Variants in NRXN3 observed in about 807,000 individuals in gnomAD.
NRXN3 encodes the protein neurexin 3.
NRXN3 carries 32 observed loss-of-function variants against 137.6 expected under a neutral mutation model. The observed-to-expected ratio is 0.23, with a 90% CI of 0.18 to 0.31. NRXN3 has a LOEUF of 0.31. Among genes scored for constraint, NRXN3 ranks in the 10% least tolerant of loss-of-function variants. NRXN3 has a pLI of 1.00. For synonymous variants in NRXN3, 798 were observed against 784.5 expected (o/e 1.02, Z -0.29); for missense variants, 1,574 against 2,062.5 (o/e 0.76, Z 4.59).
chr14:79,093,601 G>A (rs189934501), intron 15 of NRXN3, among the ~76,000 whole-genome samples: 88 of 152,280 alleles, frequency 5.8e-4, no homozygotes, highest in African/African-American at 1.8e-3. Context: ...TGCTTTCTGC[G>A]AGCGAGCCTA....
intron 15 of NRXN3, among the ~76,000 whole-genome samples, chr14:79,399,712 T>C (rs1421541888): frequency 6.6e-6 from 1 of 152,228 alleles, no homozygotes; most frequent in Non-Finnish European, 1.5e-5. Context: ...GTTTATAATA[T>C]GACCACTTAC....
chr14:79,094,158 G>A (rs1043524192), intron 15 of NRXN3, among the ~76,000 whole-genome samples: 2 of 152,126 alleles, frequency 1.3e-5, no homozygotes, highest in African/African-American at 4.8e-5. Context: ...TCTCTGCCGG[G>A]GAGAAATGGT....
chr14:79,509,954 G>A (rs2096916602), intron 16 of NRXN3, among the ~76,000 whole-genome samples: 1 of 152,146 alleles, frequency 6.6e-6, no homozygotes, highest in Admixed American at 6.5e-5. Flanking sequence ...CATGCAGTCA[G>A]CTCAGGGATC....
chr14:78,680,400 C>A (rs2098062255), intron 6 of NRXN3, among the ~76,000 whole-genome samples: 1 of 152,030 alleles, frequency 6.6e-6, no homozygotes. Context: ...AAAGAAGCAC[C>A]TTTTCTATTT....
chr14:79,527,840 C>G (rs1026188082), intron 16 of NRXN3, among the ~76,000 whole-genome samples: 1 of 144,280 alleles, frequency 6.9e-6, no homozygotes, highest in Admixed American at 7.1e-5. Flanking sequence ...CACTGTACTC[C>G]AGCCTGGGCG....
At chr14:79,401,542 T>C (rs947918247) in intron 15 of NRXN3, among the ~76,000 whole-genome samples, 52 of 152,306 alleles carry the variant, frequency 3.4e-4, no homozygotes, top group African/African-American at 1.2e-3. Context: ...TAAGAAACTC[T>C]TCCTTTCTTG....
rs775669509 is a variant in NRXN3, at chr14:79,427,810, G to A, written c.3263-39411G>A. ...TCGCACCACTGCACTCCAGCCTGGC[G>A]ACAGAGCGAGACTCCATCTCAAAAA... On this transcript the variant is annotated intron_variant, in intron 15 of 20. Coordinates refer to ENST00000335750, the MANE Select transcript of NRXN3 (RefSeq NM_001330195.2). Among the ~76,000 whole-genome samples, 13 of 143,514 alleles carry A rather than the reference G, an allele frequency of 9.1e-5. No homozygotes were observed. In the East Asian group the frequency reaches 1.2e-3, roughly 13 times the overall value. 94.2% of individuals were successfully genotyped at this position (143,514 alleles called of 152,430 possible).
intron 4 of NRXN3, among the ~76,000 whole-genome samples, chr14:78,439,218 T>C (rs1308110437): frequency 6.6e-6 from 1 of 152,010 alleles, no homozygotes; most frequent in Non-Finnish European, 1.5e-5. Flanking sequence ...AAGAATAGTT[T>C]GTATCTTGAA....
chr14:78,384,344 C>G (rs1019311638), intron 4 of NRXN3, among the ~76,000 whole-genome samples: 2 of 151,966 alleles, frequency 1.3e-5, no homozygotes, highest in Non-Finnish European at 2.9e-5. Flanking sequence ...TACTCATACT[C>G]CAAGATAAGG....
At chr14:79,122,831 C>T (rs1473165494) in intron 15 of NRXN3, among the ~76,000 whole-genome samples, 2 of 152,154 alleles carry the variant, frequency 1.3e-5, no homozygotes, top group African/African-American at 4.8e-5. Context: ...CTTCAAGTTT[C>T]TCACCTGTAA....
chr14:79,781,462 A>G (rs1449279545), intron 19 of NRXN3, among the ~76,000 whole-genome samples: 2 of 152,246 alleles, frequency 1.3e-5, no homozygotes, highest in Non-Finnish European at 2.9e-5. Flanking sequence ...TAATTTCAGC[A>G]TTCATTCCCT....
intron 8 of NRXN3, among the ~76,000 whole-genome samples, chr14:78,730,889 C>G (rs1026350720): frequency 6.6e-6 from 1 of 152,212 alleles, no homozygotes; most frequent in Non-Finnish European, 1.5e-5. Flanking sequence ...CTTGAGCTTT[C>G]TGCAGGCGGA....
intron 15 of NRXN3, among the ~76,000 whole-genome samples, chr14:79,219,709 A>G (rs994585078): frequency 2.0e-5 from 3 of 152,000 alleles, no homozygotes; most frequent in Admixed American, 1.3e-4. Context: ...ATAGACAGTG[A>G]TTTTTGTTTC....
chr14:78,339,230 A>G (rs2081876759), intron 4 of NRXN3, among the ~76,000 whole-genome samples: 2 of 152,212 alleles, frequency 1.3e-5, no homozygotes, highest in South Asian at 2.1e-4. Flanking sequence ...GGCCTTTTAA[A>G]TATATTTTCG....
chr14:79,193,688 C>T (rs2064738226), intron 15 of NRXN3, among the ~76,000 whole-genome samples: 1 of 152,106 alleles, frequency 6.6e-6, no homozygotes, highest in Non-Finnish European at 1.5e-5. Context: ...TCATTTCAAT[C>T]ACAGTTATGT....
chr14:79,350,484 G>C (rs1272056508), intron 15 of NRXN3, among the ~76,000 whole-genome samples: 1 of 152,148 alleles, frequency 6.6e-6, no homozygotes, highest in Non-Finnish European at 1.5e-5. Flanking sequence ...TTGGACCAAA[G>C]GTGATTTATC....
Position 78,645,158 on chromosome 14 carries a change from T to C in NRXN3, c.796T>C (p.Tyr266His). 1 of 1,584,414 alleles carries C rather than the reference T, an allele frequency of 6.3e-7. No homozygotes were observed. The highest frequency in any genetic ancestry group is 8.5e-7 in the Non-Finnish European group (1 of 1,172,538). ...ENVATFRGSE[Y>H]LCYDLSQNPI... is the part of the protein sequence containing the mutation. ...TGTGGCCACTTTCCGAGGCTCAGAGTATCTGTGCTACGACCTGTCTCAGAA... is the reference window on the plus strand; with the variant it reads ...TGTGGCCACTTTCCGAGGCTCAGAGCATCTGTGCTACGACCTGTCTCAGAA... Residue 266 changes from tyrosine to histidine, a missense_variant, in exon 5 of 21, where the codon TAT becomes CAT. Physicochemically the swap from Tyr to His is moderately conservative, Grantham distance 83. This residue lies in a region of NRXN3 where 400 missense variants were observed against 527.3 expected (regional missense o/e 0.76). Transcript: ENST00000335750.
At chr14:78,564,607 C>G (rs565025656) in intron 4 of NRXN3, among the ~76,000 whole-genome samples, 2 of 152,194 alleles carry the variant, frequency 1.3e-5, no homozygotes, top group African/African-American at 4.8e-5. Flanking sequence ...ATGTATTGTA[C>G]CTTTCCTTCT....
chr14:78,730,410 T>C (rs1414444467), intron 8 of NRXN3, among the ~76,000 whole-genome samples: 5 of 150,752 alleles, frequency 3.3e-5, no homozygotes, highest in African/African-American at 1.2e-4. Flanking sequence ...TTCTTCATTA[T>C]TTTTTTCCCT....
Sources: gnomAD v4.1 joint callset for allele counts (sites outside exome capture counted in the v4.1 genomes callset) on GRCh38, gnomAD v4.1.1 for gene constraint, gnomAD v4.1.1 regional missense constraint, MANE v1.5 for transcripts, NCBI Gene and HGNC (gene_info 2026-07-23, HGNC 2026-07-21) for gene names.